GSG1L: variants seen among roughly 807,000 people sequenced by gnomAD.
GSG1L encodes the protein GSG1 like.
In GSG1L, 24 loss-of-function variants were observed where a neutral mutation model predicts 42.1. The ratio of observed to expected loss-of-function variants is 0.57; its 90% CI spans 0.41 to 0.80. The LOEUF (loss-of-function observed/expected upper bound fraction) is 0.80, where lower values mean the gene tolerates loss of function less well. Among genes scored for constraint, GSG1L ranks in the 30% least tolerant of loss-of-function variants. The pLI, the probability that GSG1L is intolerant of heterozygous loss-of-function variation, is 0.00. For synonymous variants in GSG1L, 215 were observed against 203.5 expected, an observed-to-expected ratio of 1.06 and a Z score of -0.48; for missense variants, 445 against 472.2, an observed-to-expected ratio of 0.94 and a Z score of 0.53.
chr16:27,943,642 T>A (rs536633927), intron 2 of GSG1L, among the ~76,000 whole-genome samples: 1 of 133,438 alleles, frequency 7.5e-6, no homozygotes, highest in African/African-American at 2.8e-5. Context: ...TGGTGCAATC[T>A]CGACTCACTG....
chr16:27,862,809 G>A (rs960987847), intron 3 of GSG1L, among the ~76,000 whole-genome samples: 1 of 152,162 alleles, frequency 6.6e-6, no homozygotes, highest in Non-Finnish European at 1.5e-5. Context: ...ACAGACACAC[G>A]CATGACACAG....
chr16:27,802,828 CT>C (rs202203824), intron 6 of GSG1L, among the ~76,000 whole-genome samples: 13 of 151,334 alleles, frequency 8.6e-5, no homozygotes, highest in Admixed American at 3.3e-4. Flanking sequence ...CTAATTTTAA[CT>C]TTTTTTTTCA....
At chr16:27,977,085 C>T (rs1020167821) in intron 1 of GSG1L, among the ~76,000 whole-genome samples, 4 of 152,174 alleles carry the variant, frequency 2.6e-5, no homozygotes, top group Admixed American at 6.6e-5. Context: ...ACAAGCCCCA[C>T]GCAAAGGACT....
chr16:27,893,192 A>G (rs926068839), intron 2 of GSG1L, among the ~76,000 whole-genome samples: 2 of 152,170 alleles, frequency 1.3e-5, no homozygotes, highest in African/African-American at 4.8e-5. Flanking sequence ...GGAGTTGACA[A>G]CTGATCCTGT....
intron 2 of GSG1L, among the ~76,000 whole-genome samples, chr16:27,911,713 A>C (rs2084393062): frequency 6.6e-6 from 1 of 150,572 alleles, no homozygotes; most frequent in Non-Finnish European, 1.5e-5. Flanking sequence ...TTTGTCCTCC[A>C]CTCCTTTGAT....
chr16:27,948,817 G>C (rs1285937428), intron 2 of GSG1L, among the ~76,000 whole-genome samples: 2 of 149,724 alleles, frequency 1.3e-5, no homozygotes, highest in African/African-American at 2.5e-5. Flanking sequence ...CATCGTGTTA[G>C]CCAGGATGGT....
At chr16:27,800,342 C>T (rs1487584384) in intron 6 of GSG1L, among the ~76,000 whole-genome samples, 1 of 152,204 alleles carries the variant, frequency 6.6e-6, no homozygotes, top group Non-Finnish European at 1.5e-5. Context: ...AGAGACCCAT[C>T]TAGATGGAGC....
intron 3 of GSG1L, among the ~76,000 whole-genome samples, chr16:27,882,636 C>G (rs116584898): frequency 0.016 from 2,483 of 152,280 alleles, 69 homozygotes; most frequent in African/African-American, 0.056. Flanking sequence ...GTCCACCAAG[C>G]AGACTCTTAC....
At chr16:27,899,822 A>G (rs1449703765) in intron 2 of GSG1L, among the ~76,000 whole-genome samples, 1 of 152,226 alleles carries the variant, frequency 6.6e-6, no homozygotes, top group African/African-American at 2.4e-5. Flanking sequence ...ACAGAGGAGA[A>G]CAGATTCTGT....
At chr16:27,987,129 A>G (rs554396708) in intron 1 of GSG1L, among the ~76,000 whole-genome samples, 14 of 151,904 alleles carry the variant, frequency 9.2e-5, no homozygotes, top group Non-Finnish European at 1.8e-4. Flanking sequence ...AGGCAGAAGA[A>G]TTGCTTGAAC....
chr16:27,912,992 T>TG (rs1555507868), intron 2 of GSG1L, among the ~76,000 whole-genome samples: 2 of 149,618 alleles, frequency 1.3e-5, no homozygotes, highest in African/African-American at 5.0e-5. Flanking sequence ...TGTGTGTGTG[T>TG]GTTTTTTTTT....
intron 3 of GSG1L, 140 bp from the exon 4 acceptor site, chr16:27,845,201 A>C (rs1417529699): frequency 5.3e-6 from 3 of 568,598 alleles, no homozygotes; most frequent in African/African-American, 1.9e-5. Context: ...AAGGGAGGTC[A>C]GCAGGAACAG....
chr16:28,037,005 GT>G, intron 1 of GSG1L, among the ~76,000 whole-genome samples: 1 of 151,886 alleles, frequency 6.6e-6, no homozygotes, highest in Admixed American at 6.5e-5. Flanking sequence ...TTTATCTTTG[GT>G]TGTTGTTGTT....
chr16:28,051,655 A>C (rs974175607), intron 1 of GSG1L, among the ~76,000 whole-genome samples: 2 of 152,222 alleles, frequency 1.3e-5, no homozygotes, highest in African/African-American at 4.8e-5. Context: ...TTTCAGGCTA[A>C]GGGAGCTGCA....
chr16:27,795,680 G>A (rs1050615445), intron 6 of GSG1L, among the ~76,000 whole-genome samples: 1 of 152,232 alleles, frequency 6.6e-6, no homozygotes, highest in Non-Finnish European at 1.5e-5. Flanking sequence ...CACTCAGAGC[G>A]TGGTAGCAGG....
At chr16:27,879,652 G>A (rs2083928103) in intron 3 of GSG1L, among the ~76,000 whole-genome samples, 1 of 151,904 alleles carries the variant, frequency 6.6e-6, no homozygotes, top group South Asian at 2.1e-4. Flanking sequence ...TTAAAAAATG[G>A]CTTAATATTT....
At chr16:27,960,014 C>A (rs995320952) in intron 2 of GSG1L, among the ~76,000 whole-genome samples, 1 of 144,854 alleles carries the variant, frequency 6.9e-6, no homozygotes, top group Admixed American at 7.2e-5. Flanking sequence ...AATATTTTGC[C>A]AGGAGGGAGA....
chr16:28,005,089 C>T (rs1009531878), intron 1 of GSG1L, among the ~76,000 whole-genome samples: 1 of 152,148 alleles, frequency 6.6e-6, no homozygotes, highest in Admixed American at 6.5e-5. Flanking sequence ...CTTCTGAGGG[C>T]TGTGGGGGAA....
chr16:27,980,525 A>G (rs780107626), intron 1 of GSG1L, among the ~76,000 whole-genome samples: 9 of 152,170 alleles, frequency 5.9e-5, no homozygotes, highest in Non-Finnish European at 5.9e-5. Flanking sequence ...TACATGCATC[A>G]ATTGCTAATC....
Sources: gnomAD v4.1 joint callset for allele counts (sites outside exome capture counted in the v4.1 genomes callset) on GRCh38, gnomAD v4.1.1 for gene constraint, MANE v1.5 for transcripts, NCBI Gene and HGNC (gene_info 2026-07-23, HGNC 2026-07-21) for gene names.